UBE3D: variants seen among roughly 807,000 people sequenced by gnomAD.
UBE3D encodes the protein ubiquitin protein ligase E3D, also known as E3 ubiquitin-protein ligase E3D.
In UBE3D, 48 loss-of-function variants were observed where a neutral mutation model predicts 49.6. That is an observed-to-expected ratio of 0.97 (90% confidence interval 0.77 to 1.23). UBE3D has a LOEUF of 1.23. UBE3D is among the 50% of genes most tolerant of loss of function. The pLI, the probability that UBE3D is intolerant of heterozygous loss-of-function variation, is 0.00. For missense variants in UBE3D, 452 were observed against 468.4 expected, an observed-to-expected ratio of 0.96 and a Z score of 0.32; for synonymous variants, 189 against 174.2, an observed-to-expected ratio of 1.08 and a Z score of -0.67.
chr6:82,966,325 G>C (rs1418885402), intron 8 of UBE3D, among the ~76,000 whole-genome samples: 1 of 152,132 alleles, frequency 6.6e-6, no homozygotes, highest in African/African-American at 2.4e-5. Context: ...AAACTAGATA[G>C]TGATAGTGGC....
rs112189137 is a variant in UBE3D, at chr6:82,996,736, C to G, written c.1010+22237G>C. On this transcript the variant is annotated intron_variant, in intron 8 of 9. Coordinates refer to ENST00000369747, the MANE Select transcript of UBE3D (RefSeq NM_198920.3). Reference sequence around the variant, plus strand: ...CCCAGTCTAATCATGAGAAAAACATCAGGCATGAAGGGATATACTACAAAA... The same window carrying G: ...CCCAGTCTAATCATGAGAAAAACATGAGGCATGAAGGGATATACTACAAAA... Among the ~76,000 whole-genome samples the G allele has an allele frequency of 4.9e-3, 741 of 152,278 alleles. 10 individuals are homozygous for G. The highest frequency in any genetic ancestry group is 0.017 in the African/African-American group (694 of 41,550).
chr6:82,977,807 C>T (rs570769852), intron 8 of UBE3D, among the ~76,000 whole-genome samples: 1 of 152,220 alleles, frequency 6.6e-6, no homozygotes, highest in South Asian at 2.1e-4. Flanking sequence ...CATTGCACTC[C>T]AGCCTAGGCA....
intron 8 of UBE3D, among the ~76,000 whole-genome samples, chr6:82,981,280 T>C (rs1778104306): frequency 6.6e-6 from 1 of 152,118 alleles, no homozygotes; most frequent in Non-Finnish European, 1.5e-5. Flanking sequence ...CTTCAAAGCT[T>C]TCTTGTGAAT....
downstream of UBE3D, among the ~76,000 whole-genome samples, chr6:82,888,610 C>T (rs1012047085): frequency 4.6e-5 from 7 of 152,070 alleles, no homozygotes; most frequent in Non-Finnish European, 1.0e-4. Context: ...CTAAAAGACA[C>T]GACTAGGACA....
chr6:82,937,836 C>T (rs1185158857), intron 9 of UBE3D, among the ~76,000 whole-genome samples: 1 of 152,134 alleles, frequency 6.6e-6, no homozygotes, highest in East Asian at 1.9e-4. Flanking sequence ...CCTTTACTAG[C>T]CTCCACATGA....
chr6:83,029,104 C>G lies in UBE3D; in HGVS notation c.668-5066G>C, dbSNP rs141452667. On this transcript the variant is annotated intron_variant, in intron 5 of 9. Transcript: ENST00000369747. Reference sequence around the variant, plus strand: ...TGAGTGAAGTGTTTTTGTGTTTATCCTACTACAGGTTCATTGAAATTCTTA... The same window carrying G: ...TGAGTGAAGTGTTTTTGTGTTTATCGTACTACAGGTTCATTGAAATTCTTA... Among the ~76,000 whole-genome samples, 40 of 152,266 alleles carry G rather than the reference C, an allele frequency of 2.6e-4. No homozygotes were observed. In the East Asian group the frequency reaches 7.3e-3, roughly 28 times the overall value.
At position 83,057,815 on chromosome 6, in the gene UBE3D, A is replaced by G. The variant is rs2127848905; in HGVS notation, c.274+11T>C. ...GGTAAATACAGCAGCAGAAGTGCTA[A>G]TATTACTCACTTGTGCCTAATTTTG... On this transcript the variant is annotated intron_variant, in intron 2 of 9. Coordinates refer to ENST00000369747, the MANE Select transcript of UBE3D (RefSeq NM_198920.3). The G allele has an allele frequency of 1.2e-6, 2 of 1,613,542 alleles. No individual in the cohort carries two copies. The highest frequency in any genetic ancestry group is 1.6e-4 in the Middle Eastern group (1 of 6,062).
intron 1 of UBE3D, among the ~76,000 whole-genome samples, chr6:83,061,802 A>G (rs1784185691): frequency 1.3e-5 from 2 of 152,198 alleles, no homozygotes; most frequent in Non-Finnish European, 2.9e-5. Context: ...GTTTATTTTC[A>G]TGGAGAGTAG....
intron 8 of UBE3D, among the ~76,000 whole-genome samples, chr6:82,993,694 G>A (rs1779052421): frequency 6.6e-6 from 1 of 152,066 alleles, no homozygotes; most frequent in Non-Finnish European, 1.5e-5. Context: ...TGGAACCCAT[G>A]GTGACAGAGG....
At chr6:82,956,793 G>A (rs1039945590) in intron 9 of UBE3D, among the ~76,000 whole-genome samples, 3 of 152,268 alleles carry the variant, frequency 2.0e-5, no homozygotes, top group Middle Eastern at 3.4e-3. Context: ...AGACAATTAC[G>A]TAGTCAATTC....
intron 9 of UBE3D, among the ~76,000 whole-genome samples, chr6:82,913,869 G>A (rs1772712865): frequency 6.6e-6 from 1 of 152,210 alleles, no homozygotes; most frequent in Non-Finnish European, 1.5e-5. Flanking sequence ...TAGCCTGAGT[G>A]AAAGGAAAGG....
At chr6:82,965,308 G>C (rs985085150) in intron 8 of UBE3D, among the ~76,000 whole-genome samples, 1 of 152,174 alleles carries the variant, frequency 6.6e-6, no homozygotes, top group Admixed American at 6.5e-5. Context: ...TTAAAGAAGA[G>C]AACAGTGGCT....
At chr6:82,942,613 C>T (rs186708558) in intron 9 of UBE3D, among the ~76,000 whole-genome samples, 4 of 152,352 alleles carry the variant, frequency 2.6e-5, no homozygotes, top group South Asian at 2.1e-4. Flanking sequence ...AAGGGGCCAA[C>T]GTACAGCTCA....
At position 83,065,721 on chromosome 6, in the gene UBE3D, C is replaced by A. The variant is rs746910176; in HGVS notation, c.-3G>T. On this transcript the variant is annotated 5_prime_UTR_variant, in exon 1 of 10. Transcript: ENST00000369747. Reference sequence around the variant, plus strand: ...GTCTCCGCCGCAGAAGCCGCCATGGCAGGCTTCCAGTCCCAGACCGGACCA... The same window carrying A: ...GTCTCCGCCGCAGAAGCCGCCATGGAAGGCTTCCAGTCCCAGACCGGACCA... 3.2e-5 allele frequency: 52 copies of A among 1,609,860 alleles called. No individual in the cohort carries two copies. The highest frequency in any genetic ancestry group is 4.2e-5 in the Non-Finnish European group (49 of 1,178,268).
intron 9 of UBE3D, 96 bp from the exon 10 acceptor site, chr6:82,893,138 T>C (rs1397315463): frequency 1.4e-6 from 2 of 1,387,288 alleles, no homozygotes; most frequent in Admixed American, 3.4e-5. Context: ...GTCTGGTCAA[T>C]AAGATCATAT....
At chr6:82,914,887 C>G (rs960646311) in intron 9 of UBE3D, among the ~76,000 whole-genome samples, 1 of 149,736 alleles carries the variant, frequency 6.7e-6, no homozygotes, top group Non-Finnish European at 1.5e-5. Context: ...TGTCCATCCT[C>G]TCTCATCCTG....
intron 9 of UBE3D, among the ~76,000 whole-genome samples, chr6:82,897,970 TAAAC>T (rs1365150881): frequency 9.2e-5 from 14 of 152,064 alleles, no homozygotes; most frequent in Non-Finnish European, 2.9e-5. Context: ...ACAAAGAACT[TAAAC>T]AAATTCACAA....
chr6:82,912,663 T>C (rs1288197570), intron 9 of UBE3D, among the ~76,000 whole-genome samples: 1 of 152,170 alleles, frequency 6.6e-6, no homozygotes, highest in Non-Finnish European at 1.5e-5. Flanking sequence ...AATAAAGTCA[T>C]ACCAGGGTAT....
chr6:82,985,609 G>A (rs182282134), intron 8 of UBE3D, among the ~76,000 whole-genome samples: 106 of 152,128 alleles, frequency 7.0e-4, no homozygotes, highest in African/African-American at 2.6e-3. Context: ...TGATCCACCC[G>A]CCTCGGCCTC....
Sources: gnomAD v4.1 joint callset for allele counts (sites outside exome capture counted in the v4.1 genomes callset) on GRCh38, gnomAD v4.1.1 for gene constraint, MANE v1.5 for transcripts, NCBI Gene and HGNC (gene_info 2026-07-23, HGNC 2026-07-21) for gene names.